Variants in CACNA1D observed in about 807,000 individuals in gnomAD.
CACNA1D encodes calcium voltage-gated channel subunit alpha1 D.
CACNA1D carries 55 observed loss-of-function variants against 257.1 expected under a neutral mutation model. The observed-to-expected ratio is 0.21, with a 90% CI of 0.17 to 0.27. The LOEUF is 0.27. Ranked by LOEUF, CACNA1D falls within the 10% of genes least tolerant of loss-of-function variation. CACNA1D has a pLI of 1.00. For synonymous variants in CACNA1D, 980 were observed against 1,014.9 expected (o/e 0.97, Z 0.65); for missense variants, 1,876 against 2,784.0 (o/e 0.67, Z 7.34).
intron 3 of CACNA1D, among the ~76,000 whole-genome samples, chr3:53,537,481 A>G (rs1288764369): frequency 6.6e-6 from 1 of 152,172 alleles, no homozygotes; most frequent in East Asian, 1.9e-4. Flanking sequence ...TTATCTGTAG[A>G]TATTTCAGTA....
At chr3:53,740,376 C>G (rs1326666454) in intron 21 of CACNA1D, 37 bp downstream of exon 21, 1 of 1,353,362 alleles carries the variant, frequency 7.4e-7, no homozygotes, top group Non-Finnish European at 1.1e-6. Context: ...TACTCCACAG[C>G]AGCTGGAGCA....
chr3:53,808,915 C>T (rs1339622533), intron 46 of CACNA1D, 145 bp downstream of exon 46: 1 of 831,566 alleles, frequency 1.2e-6, no homozygotes, highest in Non-Finnish European at 1.9e-6. Flanking sequence ...TTGTAACAAT[C>T]CTGTCAAATA....
chr3:53,671,233 G>A (rs2094320346), intron 7 of CACNA1D, among the ~76,000 whole-genome samples: 1 of 152,226 alleles, frequency 6.6e-6, no homozygotes, highest in Admixed American at 6.5e-5. Flanking sequence ...AGGCCTGAAG[G>A]AGGGTTGGTG....
intron 3 of CACNA1D, among the ~76,000 whole-genome samples, chr3:53,520,859 T>G (rs1417557029): frequency 8.0e-5 from 6 of 74,818 alleles, no homozygotes; most frequent in Non-Finnish European, 1.5e-4. Flanking sequence ...CCTTTCTTTC[T>G]TTCTTTCTTT....
chr3:53,802,260 C>G (rs2095540056), intron 43 of CACNA1D, 87 bp downstream of exon 43: 8 of 1,030,220 alleles, frequency 7.8e-6, no homozygotes, highest in Non-Finnish European at 1.2e-5. Context: ...ATGAGAAACA[C>G]TTCTTTGAGC....
intron 21 of CACNA1D, among the ~76,000 whole-genome samples, chr3:53,741,063 C>T (rs2095112947): frequency 6.6e-6 from 1 of 152,200 alleles, no homozygotes; most frequent in African/African-American, 2.4e-5. Flanking sequence ...CATGCATGAG[C>T]TAATGGCTGC....
At chr3:53,538,138 G>T (rs2107500877) in intron 3 of CACNA1D, among the ~76,000 whole-genome samples, 1 of 122,540 alleles carries the variant, frequency 8.2e-6, no homozygotes, top group Admixed American at 7.7e-5. Context: ...ACCAGTTTTT[G>T]AAGTTTTTTT....
At chr3:53,664,454 A>G (rs1045047514) in intron 5 of CACNA1D, among the ~76,000 whole-genome samples, 26 of 152,162 alleles carry the variant, frequency 1.7e-4, no homozygotes, top group Non-Finnish European at 1.9e-4. Flanking sequence ...GCCTTTTGCT[A>G]GTGATCTAAA....
Position 53,732,959 on chromosome 3 carries a change from A to G in CACNA1D, c.2618A>G (p.Asn873Ser). Residue 873 changes from asparagine (N) to serine (S), a missense_variant, in exon 19 of 48, where the codon AAC (asparagine) becomes AGC (serine). Transcript: ENST00000350061. ...GSAFFILSKTNPIRVGCHKLI... is the reference protein window; with the variant it reads ...GSAFFILSKTSPIRVGCHKLI... ...GCTTTCTTCATTCTTAGCAAGACCA[A>G]CCCGTAAATACTCCCCTTCTAGTCT... 2 of 1,613,842 alleles carry G rather than the reference A, an allele frequency of 1.2e-6. No individual in the cohort carries two copies. The highest frequency in any genetic ancestry group is 1.7e-6 in the Non-Finnish European group (2 of 1,179,818).
At chr3:53,648,829 A>AACACACACACACACAC (rs148968944) in intron 3 of CACNA1D, among the ~76,000 whole-genome samples, 1 of 146,858 alleles carries the variant, frequency 6.8e-6, no homozygotes, top group African/African-American at 2.5e-5. Flanking sequence ...TAACTCTCAA[A>AACACACACACACACAC]ACACACACAC....
At chr3:53,740,231 A>C in intron 20 of CACNA1D, 49 bp from the exon 21 acceptor site, 1 of 1,295,100 alleles carries the variant, frequency 7.7e-7, no homozygotes. Context: ...TGCAGATGTC[A>C]GAGTTTGTCT....
intron 29 of CACNA1D, among the ~76,000 whole-genome samples, chr3:53,760,967 C>T (rs997615170): frequency 1.3e-5 from 2 of 152,218 alleles, no homozygotes; most frequent in East Asian, 1.9e-4. Flanking sequence ...AAAGACCCCA[C>T]ATTCAGCCAT....
intron 8 of CACNA1D, among the ~76,000 whole-genome samples, chr3:53,675,177 G>A (rs143770564): frequency 1.3e-5 from 2 of 152,194 alleles, no homozygotes; most frequent in Non-Finnish European, 2.9e-5. Flanking sequence ...AGAGAGGAGT[G>A]GGGGCTGAGC....
chr3:53,632,045 C>A (rs529712724), intron 3 of CACNA1D, among the ~76,000 whole-genome samples: 1 of 152,220 alleles, frequency 6.6e-6, no homozygotes, highest in Admixed American at 6.5e-5. Context: ...GCATTAGCCC[C>A]TAACAAGAGA....
At chr3:53,681,926 A>T (rs918858221) in intron 8 of CACNA1D, among the ~76,000 whole-genome samples, 10 of 152,218 alleles carry the variant, frequency 6.6e-5, no homozygotes, top group South Asian at 4.2e-4. Context: ...GAAGGAGCAG[A>T]GGATGCTGGA....
At chr3:53,721,621 C>A (rs1482500321) in intron 11 of CACNA1D, among the ~76,000 whole-genome samples, 2 of 152,142 alleles carry the variant, frequency 1.3e-5, no homozygotes, top group South Asian at 2.1e-4. Context: ...TGGCTGAGCT[C>A]ATTTTATTTT....
At chr3:53,622,044 C>CA (rs1559929771) in intron 3 of CACNA1D, among the ~76,000 whole-genome samples, 1 of 146,110 alleles carries the variant, frequency 6.8e-6, no homozygotes, top group Non-Finnish European at 1.5e-5. Context: ...TTTGGGTAAA[C>CA]TTTTTTTTTT....
chr3:53,783,503 G>A (rs2095436858), intron 39 of CACNA1D, among the ~76,000 whole-genome samples: 1 of 152,180 alleles, frequency 6.6e-6, no homozygotes, highest in Admixed American at 6.5e-5. Context: ...TTCCACAACG[G>A]CAGCGAGAGG....
At chr3:53,555,599 CAT>C (rs1434539639) in intron 3 of CACNA1D, among the ~76,000 whole-genome samples, 3 of 151,444 alleles carry the variant, frequency 2.0e-5, no homozygotes, top group African/African-American at 7.3e-5. Context: ...TATATTGGCA[CAT>C]GTCTTTTTTC....
Sources: gnomAD v4.1 joint callset for allele counts (sites outside exome capture counted in the v4.1 genomes callset) on GRCh38, gnomAD v4.1.1 for gene constraint, MANE v1.5 for transcripts, NCBI Gene and HGNC (gene_info 2026-07-23, HGNC 2026-07-21) for gene names.